Variants in SYNCRIP observed in about 807,000 individuals in gnomAD.
SYNCRIP encodes the protein heterogeneous nuclear ribonucleoprotein Q.
In SYNCRIP, 9 loss-of-function variants were observed where a neutral mutation model predicts 68.9. The observed-to-expected ratio is 0.13, with a 90% confidence interval of 0.08 to 0.23. The LOEUF (loss-of-function observed/expected upper bound fraction) is 0.23, where lower values mean the gene tolerates loss of function less well. Among genes scored for constraint, SYNCRIP ranks in the 10% least tolerant of loss-of-function variants. The probability of loss-of-function intolerance (pLI) is 1.00; values close to 1 mark genes in which losing one functional copy is unlikely to be tolerated. For missense variants in SYNCRIP, 414 were observed against 770.6 expected (o/e 0.54, Z 5.48); for synonymous variants, 258 against 254.0 (o/e 1.02, Z -0.15).
intron 8 of SYNCRIP, among the ~76,000 whole-genome samples, chr6:85,621,418 C>A (rs989201934): frequency 6.6e-6 from 1 of 152,040 alleles, no homozygotes; most frequent in African/African-American, 2.4e-5. Flanking sequence ...CCGGCCTGGG[C>A]AGCACAGGGA....
chr6:85,632,735 A>G (rs1207397131), intron 6 of SYNCRIP, among the ~76,000 whole-genome samples: 1 of 152,102 alleles, frequency 6.6e-6, no homozygotes, highest in Non-Finnish European at 1.5e-5. Flanking sequence ...TGAGGCCAAG[A>G]GTTCAAGACT....
Position 85,614,483 on chromosome 6 carries a change from G to A in SYNCRIP, c.*273C>T. ...ACATCGTTGACACTACAGCCAAATG[G>A]ACTTGAGCCAAATTTTCTCAAGCAC... On this transcript the variant is annotated 3_prime_UTR_variant, in exon 11 of 11. Coordinates refer to ENST00000369622, the MANE Select transcript of SYNCRIP (RefSeq NM_006372.5). The A allele has an allele frequency of 8.7e-7, 1 of 1,143,790 alleles. No individual in the cohort carries two copies. Among genetic ancestry groups the A allele is most frequent in the Non-Finnish European group, 1.1e-6 (1 of 931,728 alleles). The allele number at this position is 1,143,790 out of a possible 1,614,324, so 70.9% of individuals were successfully genotyped here.
intron 7 of SYNCRIP, among the ~76,000 whole-genome samples, chr6:85,623,583 A>AAAAAAAAAAAAAAAAAAC (rs1562087872): frequency 6.9e-6 from 1 of 143,892 alleles, no homozygotes; most frequent in African/African-American, 2.5e-5. Flanking sequence ...AAAAAAAAAA[A>AAAAAAAAAAAAAAAAAAC]CACTCTGCTA....
At position 85,614,385 on chromosome 6, in the gene SYNCRIP, A is replaced by C. The variant is rs1805526661; in HGVS notation, c.*371T>G. On this transcript the variant is annotated 3_prime_UTR_variant, in exon 11 of 11. Transcript: ENST00000369622. ...GTTGGTAACATACAAAGTTATTCTG[A>C]TACAAGATATTAAAGACACACTTGG... 1.0e-6 allele frequency: 1 copy of C among 997,836 alleles called. No homozygotes were observed. Among genetic ancestry groups the C allele is most frequent in the Admixed American group, 6.0e-5 (1 of 16,698 alleles). 61.8% of individuals were successfully genotyped at this position (997,836 alleles called of 1,614,324 possible).
downstream of SYNCRIP, among the ~76,000 whole-genome samples, chr6:85,613,412 G>C (rs1335792968): frequency 6.6e-6 from 1 of 152,132 alleles, no homozygotes; most frequent in Non-Finnish European, 1.5e-5. Context: ...TTATTGTCAG[G>C]TATAATACCT....
intron 6 of SYNCRIP, among the ~76,000 whole-genome samples, chr6:85,632,498 T>C (rs1583296543): frequency 6.6e-6 from 1 of 152,228 alleles, no homozygotes; most frequent in Non-Finnish European, 1.5e-5. Flanking sequence ...CGCAAATGAA[T>C]ACAAAGTGGC....
At position 85,637,073 on chromosome 6, in the gene SYNCRIP, G is replaced by C; in HGVS notation, c.560C>G (p.Pro187Arg). The C allele has an allele frequency of 1.2e-6, 2 of 1,614,046 alleles. No homozygotes were observed. Among genetic ancestry groups the C allele is most frequent in the East Asian group, 4.5e-5 (2 of 44,872 alleles). Residue 187 changes from proline (P) to arginine (R), a missense_variant, in exon 6 of 11, where the codon CCT becomes CGT. Around this residue, in one of 6 missense-constraint regions of SYNCRIP, gnomAD observed 110 missense variants for 269.3 expected, o/e 0.41. Coordinates refer to ENST00000369622, the MANE Select transcript of SYNCRIP (RefSeq NM_006372.5). ...ELVPLFEKAG[P>R]IWDLRLMMDP... The stretch of plus-strand genomic sequence containing the variant: ...CATCATTAGACGAAGATCCCATATA[G>C]GTCCAGCTTTCTCAAATAATGGAAC...
At chr6:85,611,178 G>A (rs1049713271), downstream of SYNCRIP, 2 of 151,984 alleles carry the variant, frequency 1.3e-5, no homozygotes, top group Non-Finnish European at 2.9e-5. Context: ...CTAAAATTAT[G>A]TAAGTACAAA....
At chr6:85,622,761 T>A in intron 7 of SYNCRIP, 74 bp from the exon 8 acceptor site, 3 of 1,144,024 alleles carry the variant, frequency 2.6e-6, no homozygotes, top group Non-Finnish European at 3.9e-6. Context: ...AGGATTTATC[T>A]AAGATACTAC....
Position 85,614,877 on chromosome 6 carries a change from T to A in SYNCRIP, c.1751A>T (p.Asn584Ile), listed in dbSNP as rs779098809. 6.2e-7 allele frequency: 1 copy of A among 1,614,192 alleles called. No homozygotes were observed. Among genetic ancestry groups the A allele is most frequent in the Admixed American group, 1.7e-5 (1 of 60,026 alleles). The change falls in exon 11 of 11, where the codon AAC (asparagine) becomes ATC (isoleucine). Residue 584 changes from asparagine (N) to isoleucine (I), a missense_variant. Coordinates refer to ENST00000369622, the MANE Select transcript of SYNCRIP (RefSeq NM_006372.5). The part of the protein sequence containing the change: ...DSKRRQTNNQ[N>I]WGSQPIAQQP... ...CTGAGCAATGGGTTGGGAGCCCCAG[T>A]TCTGATTATTGGTCTGGCGCCGCTT...
At chr6:85,622,357 A>T in intron 8 of SYNCRIP, 125 bp downstream of exon 8, 1 of 927,232 alleles carries the variant, frequency 1.1e-6, no homozygotes, top group Non-Finnish European at 1.6e-6. Flanking sequence ...AAACATGGGA[A>T]ACAAGAGACT....
intron 6 of SYNCRIP, among the ~76,000 whole-genome samples, chr6:85,628,358 A>C (rs1807308092): frequency 6.6e-6 from 1 of 152,168 alleles, no homozygotes; most frequent in Admixed American, 6.5e-5. Flanking sequence ...ACCTGGCCTA[A>C]AGATTTCTTA....
intron 8 of SYNCRIP, among the ~76,000 whole-genome samples, chr6:85,621,498 A>G (rs1235290214): frequency 1.3e-5 from 2 of 151,676 alleles, no homozygotes; most frequent in Non-Finnish European, 2.9e-5. Context: ...CTGTAGTTCT[A>G]GCTACTTGGG....
chr6:85,634,476 G>A (rs1411232015), intron 6 of SYNCRIP, among the ~76,000 whole-genome samples: 3 of 152,172 alleles, frequency 2.0e-5, no homozygotes, highest in African/African-American at 7.2e-5. Flanking sequence ...ACATACGGGG[G>A]ACTGATTCCA....
chr6:85,624,247 A>C (rs1473787268), intron 6 of SYNCRIP, 135 bp from the exon 7 acceptor site: 7 of 799,452 alleles, frequency 8.8e-6, no homozygotes, highest in Non-Finnish European at 1.2e-5. Flanking sequence ...AATTATGAGG[A>C]ACAGATTATA....
intron 6 of SYNCRIP, among the ~76,000 whole-genome samples, chr6:85,626,311 C>CA (rs1319067832): frequency 1.3e-5 from 2 of 152,094 alleles, no homozygotes; most frequent in Admixed American, 1.3e-4. Flanking sequence ...CCAGCCTTAG[C>CA]AACAAATCAG....
At chr6:85,619,535 T>TAA (rs59858604) in intron 8 of SYNCRIP, 118 bp from the exon 9 acceptor site, 722 of 717,068 alleles carry the variant, frequency 1.0e-3, no homozygotes, top group East Asian at 4.0e-3. Context: ...TGTCAGAATA[T>TAA]AAAAAAAAAA....
intron 7 of SYNCRIP, among the ~76,000 whole-genome samples, chr6:85,622,894 A>C (rs1806577199): frequency 6.6e-6 from 1 of 152,224 alleles, no homozygotes; most frequent in East Asian, 1.9e-4. Flanking sequence ...AGAAATCTCC[A>C]GAAAAGAACA....
chr6:85,617,228 T>TA (rs1805880623), intron 10 of SYNCRIP, among the ~76,000 whole-genome samples: 2 of 151,748 alleles, frequency 1.3e-5, no homozygotes, highest in South Asian at 4.1e-4. Context: ...TGTAGCAAGT[T>TA]AAAGTACGAA....
Sources: allele counts gnomAD v4.1 joint callset (sites outside exome capture counted in the v4.1 genomes callset), GRCh38; gene constraint gnomAD v4.1.1; regional missense constraint gnomAD v4.1.1; transcripts MANE v1.5; gene names NCBI Gene and HGNC (gene_info 2026-07-23, HGNC 2026-07-21).